ADGRF5: variants seen among roughly 807,000 people sequenced by gnomAD.
ADGRF5 encodes the protein G-protein coupled receptor 116.
Under a neutral mutation model 132.3 loss-of-function variants are expected in ADGRF5, and 75 were observed. The ratio of observed to expected loss-of-function variants is 0.57; its 90% CI spans 0.47 to 0.69. The LOEUF (loss-of-function observed/expected upper bound fraction) is 0.69. ADGRF5 is among the 30% of genes least tolerant of loss of function. ADGRF5 has a pLI of 0.00. For missense variants in ADGRF5, 1,516 were observed against 1,630.6 expected (o/e 0.93, Z 1.21); for synonymous variants, 629 against 597.6 (o/e 1.05, Z -0.77).
chr6:46,857,429 C>A (rs1161852530), intron 17 of ADGRF5, among the ~76,000 whole-genome samples: 2 of 152,164 alleles, frequency 1.3e-5, no homozygotes, highest in African/African-American at 4.8e-5. Flanking sequence ...AATCCTTGGG[C>A]AAGTTTTTTT....
intron 3 of ADGRF5, among the ~76,000 whole-genome samples, chr6:46,893,331 C>T (rs1231942569): frequency 6.6e-6 from 1 of 151,990 alleles, no homozygotes; most frequent in Non-Finnish European, 1.5e-5. Flanking sequence ...GTATCATGGT[C>T]CTATAGGCAA....
chr6:46,877,513 AT>A (rs1016717948), intron 10 of ADGRF5, among the ~76,000 whole-genome samples: 15 of 151,752 alleles, frequency 9.9e-5, no homozygotes, highest in South Asian at 2.1e-4. Flanking sequence ...GCAGTAACAT[AT>A]TTTTTAAAGG....
chr6:46,879,009 G>T (rs894409675), intron 9 of ADGRF5, among the ~76,000 whole-genome samples: 2 of 152,134 alleles, frequency 1.3e-5, no homozygotes, highest in Non-Finnish European at 2.9e-5. Flanking sequence ...TTTGGTGAGG[G>T]CAGGGAGAAC....
chr6:46,944,130 T>C (rs777469323), intron 1 of ADGRF5, among the ~76,000 whole-genome samples: 4 of 152,212 alleles, frequency 2.6e-5, no homozygotes, highest in African/African-American at 9.6e-5. Flanking sequence ...ACTGGTTTCA[T>C]GGAAGACAAG....
At chr6:46,900,602 G>A (rs898940694) in intron 2 of ADGRF5, among the ~76,000 whole-genome samples, 9 of 152,056 alleles carry the variant, frequency 5.9e-5, no homozygotes, top group Non-Finnish European at 1.2e-4. Flanking sequence ...TCTATTGCTG[G>A]TTTCTGTAGT....
intron 20 of ADGRF5, 61 bp downstream of exon 20, chr6:46,855,913 G>T: frequency 1.1e-6 from 1 of 941,404 alleles, no homozygotes; most frequent in Non-Finnish European, 1.7e-6. Context: ...GGGTGTTGAG[G>T]CTCCCCATTT....
intron 1 of ADGRF5, among the ~76,000 whole-genome samples, chr6:46,941,476 AAAAGAAAAG>A (rs1227501837): frequency 2.2e-4 from 26 of 120,640 alleles, no homozygotes; most frequent in Non-Finnish European, 1.1e-4. Flanking sequence ...GAAAGAAAAG[AAAAGAAAAG>A]AAAGAAAAGA....
chr6:46,929,516 A>AAAAATT (rs778946276), intron 1 of ADGRF5, among the ~76,000 whole-genome samples: 223 of 131,994 alleles, frequency 1.7e-3, no homozygotes, highest in African/African-American at 6.3e-3. Flanking sequence ...AAATAAAAAT[A>AAAAATT]AAAAAAAGAA....
At chr6:46,878,535 C>T in intron 9 of ADGRF5, 130 bp from the exon 10 acceptor site, 1 of 641,010 alleles carries the variant, frequency 1.6e-6, no homozygotes, top group Admixed American at 2.8e-5. Flanking sequence ...GAGACTTGGT[C>T]TAAAGACGCC....
chr6:46,879,043 T>C (rs1772146500), intron 9 of ADGRF5, among the ~76,000 whole-genome samples: 1 of 152,154 alleles, frequency 6.6e-6, no homozygotes, highest in Non-Finnish European at 1.5e-5. Flanking sequence ...ACTCTCTTGA[T>C]TGTAGTAATG....
chr6:46,904,120 C>T (rs1043993714), intron 2 of ADGRF5, among the ~76,000 whole-genome samples: 2 of 152,196 alleles, frequency 1.3e-5, no homozygotes, highest in Non-Finnish European at 2.9e-5. Flanking sequence ...CTGGGACCCA[C>T]CCAAGCATCC....
intron 1 of ADGRF5, among the ~76,000 whole-genome samples, chr6:46,911,018 T>G (rs1360689703): frequency 6.6e-6 from 1 of 152,196 alleles, no homozygotes; most frequent in African/African-American, 2.4e-5. Context: ...ATAACTATCT[T>G]GCATTTATCT....
rs78692952 is a variant in ADGRF5 at position 46,915,823 on chromosome 6, A to C, written c.-25+5890T>G. ...TCTGGACAGTTTGACTTTAGTCCTC[A>C]CCTCATTATGAAAAGTATTCTGTAG... On this transcript the variant is annotated intron_variant, in intron 1 of 20. Coordinates refer to ENST00000283296, the MANE Select transcript of ADGRF5 (RefSeq NM_001098518.2). Among the ~76,000 whole-genome samples the C allele has an allele frequency of 7.9e-5, 12 of 151,542 alleles. No individual in the cohort carries two copies. In the East Asian group the frequency reaches 2.1e-3, roughly 27 times the overall value.
At chr6:46,909,395 G>A (rs1307602862) in intron 1 of ADGRF5, among the ~76,000 whole-genome samples, 1 of 152,158 alleles carries the variant, frequency 6.6e-6, no homozygotes, top group Non-Finnish European at 1.5e-5. Context: ...ACCAAAGCTG[G>A]GAAATATGCC....
intron 3 of ADGRF5, among the ~76,000 whole-genome samples, chr6:46,894,379 G>A (rs1773962073): frequency 6.6e-6 from 1 of 152,174 alleles, no homozygotes; most frequent in East Asian, 1.9e-4. Context: ...CCTGGCAGGT[G>A]TAGATGGAGG....
In ADGRF5 at chr6:46,879,855, G is replaced by T. The variant is rs779386885; in HGVS notation, c.999C>A (p.Ser333=). 6.2e-7 allele frequency: 1 copy of T among 1,613,840 alleles called. No homozygotes were observed. Among genetic ancestry groups the T allele is most frequent in the South Asian group, 1.1e-5 (1 of 91,086 alleles). The change falls in exon 9 of 21, where the codon TCC becomes TCA. Residue 333 remains serine, a synonymous_variant. Coordinates refer to ENST00000283296, the MANE Select transcript of ADGRF5 (RefSeq NM_001098518.2). ...GAGTGATGTTGTGGATGGTGAGCTT[G>T]GACACCGAAGTCATGTTGTTGAAAA... ...TALFNNMTSV[S]KLTIHNITPG...
At chr6:46,908,040 G>T (rs902406331) in intron 1 of ADGRF5, 3 of 152,188 alleles carry the variant, frequency 2.0e-5, no homozygotes, top group Non-Finnish European at 4.4e-5. Flanking sequence ...ATAACACACT[G>T]ATGATAGGCA....
chr6:46,915,755 T>C (rs1225936625), intron 1 of ADGRF5, among the ~76,000 whole-genome samples: 4 of 146,750 alleles, frequency 2.7e-5, no homozygotes, highest in African/African-American at 1.0e-4. Context: ...CCCCAAGAAA[T>C]ACAGTACCCT....
intron 14 of ADGRF5, among the ~76,000 whole-genome samples, 171 bp downstream of exon 14, chr6:46,864,871 G>A (rs1317766994): frequency 1.3e-5 from 2 of 152,130 alleles, no homozygotes; most frequent in Non-Finnish European, 2.9e-5. Context: ...CTTGAGGCCA[G>A]GGGACATGGC....
Sources: allele counts gnomAD v4.1 joint callset (sites outside exome capture counted in the v4.1 genomes callset), GRCh38; gene constraint gnomAD v4.1.1; transcripts MANE v1.5; gene names NCBI Gene and HGNC (gene_info 2026-07-23, HGNC 2026-07-21).